Variants in GLDC observed in about 807,000 individuals in gnomAD.
GLDC encodes the protein glycine dehydrogenase (decarboxylating), mitochondrial.
Under a neutral mutation model 121.3 loss-of-function variants are expected in GLDC, and 104 were observed. The observed-to-expected ratio is 0.86, with a 90% confidence interval of 0.73 to 1.01. The LOEUF (loss-of-function observed/expected upper bound fraction) is 1.01, where lower values mean the gene tolerates loss of function less well. GLDC is among the 50% of genes least tolerant of loss of function. The pLI, the probability that GLDC is intolerant of heterozygous loss-of-function variation, is 0.00. For synonymous variants in GLDC, 546 were observed against 480.6 expected (o/e 1.14, Z -1.78); for missense variants, 1,429 against 1,306.6 (o/e 1.09, Z -1.44).
At chr9:6,634,935 A>G (rs1819470365) in intron 2 of GLDC, among the ~76,000 whole-genome samples, 1 of 152,142 alleles carries the variant, frequency 6.6e-6, no homozygotes, top group Admixed American at 6.5e-5. Context: ...CATTACTTAG[A>G]GGGGGGAAAA....
intron 16 of GLDC, 45 bp downstream of exon 16, chr9:6,565,309 C>T: frequency 7.3e-7 from 1 of 1,363,572 alleles, no homozygotes; most frequent in Non-Finnish European, 1.1e-6. Flanking sequence ...GAGCCAGGAC[C>T]TCTGTGCCCC....
At chr9:6,563,693 C>A (rs1045592424) in intron 16 of GLDC, among the ~76,000 whole-genome samples, 4 of 152,210 alleles carry the variant, frequency 2.6e-5, no homozygotes, top group Non-Finnish European at 4.4e-5. Flanking sequence ...GAATTCAGAA[C>A]CACGAATGAA....
At chr9:6,606,526 GAGAA>G in intron 5 of GLDC, 62 bp downstream of exon 5, 2 of 990,500 alleles carry the variant, frequency 2.0e-6, no homozygotes, top group South Asian at 1.3e-5. Flanking sequence ...AAGTGAGAAA[GAGAA>G]AGAAACAGCA....
chr9:6,553,510 C>T lies in GLDC; in HGVS notation c.2316-1G>A, dbSNP rs386833554. 7.7e-5 allele frequency: 124 copies of T among 1,601,514 alleles called. No homozygotes were observed. The highest frequency in any genetic ancestry group is 1.0e-4 in the Non-Finnish European group (123 of 1,172,818). On this transcript the variant is annotated splice_acceptor_variant, in intron 19 of 24. Coordinates refer to ENST00000321612, the MANE Select transcript of GLDC (RefSeq NM_000170.3). LOFTEE classifies it high-confidence loss of function. The stretch of plus-strand genomic sequence containing the variant: ...CAAAAACGGGGCGAGATGTTTCTTC[C>T]TGTATTTTTTTTAAGTGCAAATTCA...
chr9:6,559,136 A>C (rs1031747495), intron 16 of GLDC, among the ~76,000 whole-genome samples: 48 of 152,172 alleles, frequency 3.2e-4, no homozygotes, highest in African/African-American at 1.1e-3. Flanking sequence ...CCCAGTACCA[A>C]TACACCAATT....
chr9:6,634,540 C>G (rs1040037158), intron 2 of GLDC, among the ~76,000 whole-genome samples: 3 of 116,090 alleles, frequency 2.6e-5, no homozygotes, highest in African/African-American at 3.9e-5. Context: ...AACAAACAAA[C>G]AAACAAACAA....
At chr9:6,611,177 T>C (rs1398247709) in intron 3 of GLDC, among the ~76,000 whole-genome samples, 2 of 152,264 alleles carry the variant, frequency 1.3e-5, no homozygotes, top group East Asian at 3.8e-4. Context: ...TGGAAATGTT[T>C]AGAAGGCAAC....
chr9:6,551,936 C>T (rs553133306), intron 20 of GLDC, among the ~76,000 whole-genome samples: 24 of 152,248 alleles, frequency 1.6e-4, no homozygotes, highest in Admixed American at 6.5e-4. Context: ...AAAATGCAGA[C>T]GGCTTAAGTC....
At chr9:6,606,536 C>T in intron 5 of GLDC, 56 bp downstream of exon 5, 2 of 1,009,508 alleles carry the variant, frequency 2.0e-6, no homozygotes, top group South Asian at 2.5e-5. Context: ...GAGAAAGAAA[C>T]AGCAGAGATG....
rs1422119881 is a variant in GLDC at position 6,587,281 on chromosome 9, A to G, written c.1710T>C (p.Pro570=). ...TGTTTGCAAATTCTTTCCATGTGAT[A>G]GGCTGAAAAGAAAGAAAACAAAAAT... ...MKLNSSSELA[P]ITWKEFANIH... Residue 570 remains proline, a splice_region_variant and synonymous_variant, in exon 15 of 25, where the codon CCT becomes CCC. Coordinates refer to ENST00000321612, the MANE Select transcript of GLDC (RefSeq NM_000170.3). The G allele has an allele frequency of 1.9e-6, 3 of 1,612,494 alleles. No individual in the cohort carries two copies. The highest frequency in any genetic ancestry group is 2.5e-6 in the Non-Finnish European group (3 of 1,178,464).
At chr9:6,604,846 G>C in intron 6 of GLDC, 62 bp from the exon 7 acceptor site, 1 of 1,336,780 alleles carries the variant, frequency 7.5e-7, no homozygotes, top group East Asian at 2.3e-5. Flanking sequence ...TAGTGGGAGA[G>C]TAGGAAATTA....
intron 8 of GLDC, among the ~76,000 whole-genome samples, chr9:6,600,818 C>G (rs1818594107): frequency 1.3e-5 from 2 of 152,140 alleles, no homozygotes; most frequent in African/African-American, 4.8e-5. Flanking sequence ...CTTCAAGGAG[C>G]AGAACCCAGA....
At chr9:6,637,404 C>CA (rs71328199) in intron 2 of GLDC, among the ~76,000 whole-genome samples, 2,807 of 139,964 alleles carry the variant, frequency 0.02, 81 homozygotes, top group African/African-American at 0.063. Flanking sequence ...AGACTTCTCT[C>CA]AAAAAAAAAA....
intron 8 of GLDC, among the ~76,000 whole-genome samples, chr9:6,598,101 T>C (rs1818526974): frequency 6.6e-6 from 1 of 152,178 alleles, no homozygotes; most frequent in African/African-American, 2.4e-5. Flanking sequence ...TGATTGCAGC[T>C]CACTGCAGCC....
chr9:6,594,300 T>C (rs10975667), intron 9 of GLDC, among the ~76,000 whole-genome samples: 3 of 152,302 alleles, frequency 2.0e-5, no homozygotes, highest in African/African-American at 2.4e-5. Context: ...ATTTTTCTAT[T>C]AGGGTGTTCA....
intron 16 of GLDC, among the ~76,000 whole-genome samples, chr9:6,563,824 T>G (rs1033171896): frequency 6.6e-6 from 1 of 152,102 alleles, no homozygotes; most frequent in African/African-American, 2.4e-5. Context: ...ATGGCCTGTT[T>G]TTCAAAGATC....
intron 4 of GLDC, among the ~76,000 whole-genome samples, chr9:6,608,198 G>T (rs1162535203): frequency 6.6e-6 from 1 of 151,736 alleles, no homozygotes; most frequent in Non-Finnish European, 1.5e-5. Context: ...CAGATCACGA[G>T]GTCAGGAGAT....
At chr9:6,594,700 G>GCAAGCAAGCAAGC (rs1563852238) in intron 9 of GLDC, among the ~76,000 whole-genome samples, 137 of 151,074 alleles carry the variant, frequency 9.1e-4, no homozygotes, top group African/African-American at 3.3e-3. Context: ...ATTAAGCAAG[G>GCAAGCAAGCAAGC]AAGCAAGCAA....
intron 16 of GLDC, among the ~76,000 whole-genome samples, chr9:6,564,102 G>C (rs1587930747): frequency 1.3e-5 from 2 of 152,178 alleles, no homozygotes; most frequent in African/African-American, 4.8e-5. Context: ...ACAAAAATTA[G>C]CCGGGCGTGG....
Sources: allele counts gnomAD v4.1 joint callset (sites outside exome capture counted in the v4.1 genomes callset), GRCh38; gene constraint gnomAD v4.1.1; transcripts MANE v1.5; gene names NCBI Gene and HGNC (gene_info 2026-07-23, HGNC 2026-07-21).